Variants in DMRTB1 observed in about 807,000 individuals in gnomAD.
DMRTB1 encodes DMRT like family B with proline rich C-terminal 1.
A neutral mutation model predicts 25.2 loss-of-function variants in DMRTB1; 9 were observed. That is an observed-to-expected ratio of 0.36 (90% CI 0.22 to 0.62). The LOEUF (loss-of-function observed/expected upper bound fraction) is 0.62, where lower values mean the gene tolerates loss of function less well. DMRTB1 is among the 20% of genes least tolerant of loss of function. The probability of loss-of-function intolerance (pLI) is 0.71; values close to 1 mark genes in which losing one functional copy is unlikely to be tolerated. For synonymous variants in DMRTB1, 269 were observed against 238.1 expected, an observed-to-expected ratio of 1.13 and a Z score of -1.20; for missense variants, 551 against 499.3, an observed-to-expected ratio of 1.10 and a Z score of -0.99.
In DMRTB1 at chr1:53,459,587, A is replaced by G; in HGVS notation, c.134A>G (p.Glu45Gly). The G allele has an allele frequency of 1.2e-6, 2 of 1,601,868 alleles. No individual in the cohort carries two copies. The highest frequency in any genetic ancestry group is 2.7e-5 in the African/African-American group (2 of 74,842). The change falls in exon 1 of 4, where the codon GAG (glutamate) becomes GGG (glycine). Residue 45 changes from glutamate (E) to glycine (G), a missense_variant. Coordinates refer to ENST00000371445, the MANE Select transcript of DMRTB1 (RefSeq NM_033067.3). ...TGCGAGAAGTGCTACCTGATCTCCG[A>G]GCGCCAGAAGATCATGGCCGCGCAG... is the stretch of plus-strand genomic sequence containing the variant. ...CLCEKCYLISERQKIMAAQKV... is the reference protein window; with the variant it reads ...CLCEKCYLISGRQKIMAAQKV...
chr1:53,462,826 T>G (rs1644029450), intron 2 of DMRTB1, among the ~76,000 whole-genome samples: 1 of 152,220 alleles, frequency 6.6e-6, no homozygotes, highest in African/African-American at 2.4e-5. Context: ...ACATGGCCCT[T>G]GACTCACACC....
In DMRTB1 at chr1:53,460,002, C is replaced by G; in HGVS notation, c.549C>G (p.Thr183=). 1 of 1,583,338 alleles carries G rather than the reference C, an allele frequency of 6.3e-7. No individual in the cohort carries two copies. The highest frequency in any genetic ancestry group is 1.1e-5 in the South Asian group (1 of 89,146). The change falls in exon 1 of 4, where the codon ACC becomes ACG. Residue 183 remains threonine (T), a synonymous_variant. Transcript: ENST00000371445. ...GPLDLRRPMR[T]VPGPLFTDFV... is the part of the protein sequence containing the mutation. ...TAGACCTGCGCAGGCCGATGCGGAC[C>G]GTGCCCGGCCCACTGTTCACCGACT...
intron 3 of DMRTB1, 31 bp downstream of exon 3, chr1:53,464,878 G>T: frequency 6.2e-7 from 1 of 1,612,480 alleles, no homozygotes; most frequent in Non-Finnish European, 8.5e-7. Context: ...CAGCTTCAGC[G>T]AGAGCCAGGG....
intron 1 of DMRTB1, among the ~76,000 whole-genome samples, chr1:53,460,770 C>T (rs1194013553): frequency 1.3e-5 from 2 of 152,190 alleles, no homozygotes; most frequent in South Asian, 2.1e-4. Flanking sequence ...GTGTCTCCCC[C>T]GTGGTGGTGT....
chr1:53,463,028 C>A (rs907715091), intron 2 of DMRTB1, among the ~76,000 whole-genome samples: 2 of 152,260 alleles, frequency 1.3e-5, no homozygotes, highest in Admixed American at 6.5e-5. Context: ...AGAGTGTGAT[C>A]TCAGTCGGTT....
At chr1:53,461,345 CGGA>C (rs1644020991) in intron 1 of DMRTB1, 125 bp from the exon 2 acceptor site, 3 of 973,574 alleles carry the variant, frequency 3.1e-6, no homozygotes, top group Non-Finnish European at 4.4e-6. Flanking sequence ...GAGGGCCCAG[CGGA>C]AGGAAGTGCG....
chr1:53,460,747 A>G (rs948260057), intron 1 of DMRTB1, among the ~76,000 whole-genome samples: 1 of 152,200 alleles, frequency 6.6e-6, no homozygotes, highest in African/African-American at 2.4e-5. Context: ...TTTGGTGCGG[A>G]CGCGTTTTCC....
chr1:53,459,660 G>T lies in DMRTB1; in HGVS notation c.207G>T (p.Leu69=). 6.5e-7 allele frequency: 1 copy of T among 1,549,294 alleles called. No individual in the cohort carries two copies. The highest frequency in any genetic ancestry group is 1.4e-5 in the African/African-American group (1 of 73,140). ...QAAEEEQEAA[L]CAQGPKQASG... ...CCGAGGAGGAGCAGGAGGCGGCCCTGTGTGCGCAGGGGCCCAAGCAGGCCT... is the reference window on the plus strand; with the variant it reads ...CCGAGGAGGAGCAGGAGGCGGCCCTTTGTGCGCAGGGGCCCAAGCAGGCCT... The change falls in exon 1 of 4, where the codon CTG becomes CTT. Residue 69 remains leucine, a synonymous_variant. Coordinates refer to ENST00000371445, the MANE Select transcript of DMRTB1 (RefSeq NM_033067.3).
chr1:53,464,562 G>A, intron 2 of DMRTB1, 75 bp from the exon 3 acceptor site: 1 of 1,609,412 alleles, frequency 6.2e-7, no homozygotes, highest in Non-Finnish European at 8.5e-7. Context: ...CACTTCAGGG[G>A]TGAGAGCTAT....
intron 2 of DMRTB1, among the ~76,000 whole-genome samples, chr1:53,463,362 G>C (rs1206879208): frequency 6.6e-6 from 1 of 152,128 alleles, no homozygotes; most frequent in Non-Finnish European, 1.5e-5. Flanking sequence ...CTGGAGGTGG[G>C]CAGACCTAGG....
chr1:53,459,942 G>A lies in DMRTB1; in HGVS notation c.489G>A (p.Gly163=). Reference sequence around the variant, plus strand: ...CCAGCCTTGCGGGACCCCCTTTTGGGGCGGAGGCCGCAGGCAGTGGCTACC... The same window carrying A: ...CCAGCCTTGCGGGACCCCCTTTTGGAGCGGAGGCCGCAGGCAGTGGCTACC... ...AMPSLAGPPF[G]AEAAGSGYPG... is the part of the protein sequence containing the mutation. Residue 163 remains glycine (G), a synonymous_variant, in exon 1 of 4, where the codon GGG becomes GGA. Coordinates refer to ENST00000371445, the MANE Select transcript of DMRTB1 (RefSeq NM_033067.3). The A allele has an allele frequency of 6.4e-7, 1 of 1,568,164 alleles. No individual in the cohort carries two copies. The highest frequency in any genetic ancestry group is 2.4e-5 in the East Asian group (1 of 41,998).
At chr1:53,464,267 C>T (rs1288633) in intron 2 of DMRTB1, among the ~76,000 whole-genome samples, 6 of 151,996 alleles carry the variant, frequency 3.9e-5, no homozygotes, top group Non-Finnish European at 8.8e-5. Context: ...AGCAGCTCTG[C>T]GGCCCTGGGC....
At chr1:53,462,659 G>C (rs1187432955) in intron 2 of DMRTB1, among the ~76,000 whole-genome samples, 1 of 152,210 alleles carries the variant, frequency 6.6e-6, no homozygotes, top group East Asian at 1.9e-4. Context: ...GAGAAGTTAA[G>C]TTTTTGGCCA....
rs146660956 is a variant in DMRTB1, at chr1:53,459,578, T to C, written c.125T>C (p.Leu42Pro). 2.5e-6 allele frequency: 4 copies of C among 1,606,334 alleles called. No homozygotes were observed. The highest frequency in any genetic ancestry group is 2.7e-5 in the African/African-American group (2 of 74,932). The change falls in exon 1 of 4, where the codon CTG becomes CCG. Residue 42 changes from leucine (L) to proline (P), a missense_variant. Transcript: ENST00000371445. ...CAGTGCCTCTGCGAGAAGTGCTACC[T>C]GATCTCCGAGCGCCAGAAGATCATG... Reference protein sequence around the residue: ...WKQCLCEKCYLISERQKIMAA... With the variant: ...WKQCLCEKCYPISERQKIMAA...
chr1:53,459,968 C>G lies in DMRTB1; in HGVS notation c.515C>G (p.Pro172Arg), dbSNP rs765216625. 2.5e-6 allele frequency: 4 copies of G among 1,582,154 alleles called. No individual in the cohort carries two copies. The highest frequency in any genetic ancestry group is 1.8e-4 in the Middle Eastern group (1 of 5,446). ...FGAEAAGSGY[P>R]GPLDLRRPMR... ...GCGGAGGCCGCAGGCAGTGGCTACC[C>G]TGGCCCCCTAGACCTGCGCAGGCCG... Residue 172 changes from proline to arginine, a missense_variant, in exon 1 of 4, where the codon CCT becomes CGT. Pro to Arg is a moderately radical substitution (Grantham distance 103). Coordinates refer to ENST00000371445, the MANE Select transcript of DMRTB1 (RefSeq NM_033067.3).
chr1:53,465,504 C>G (rs529146558), intron 3 of DMRTB1, among the ~76,000 whole-genome samples: 25 of 152,228 alleles, frequency 1.6e-4, no homozygotes, highest in Non-Finnish European at 2.9e-4. Context: ...GCCCTTGCAG[C>G]TTTAAAGCTT....
intron 1 of DMRTB1, chr1:53,460,365 C>T (rs1194398683): frequency 4.8e-6 from 1 of 209,980 alleles, no homozygotes; most frequent in Non-Finnish European, 9.5e-6. Context: ...TCCTACTGCT[C>T]TTGCGCACCT....
At chr1:53,460,158 G>T in intron 1 of DMRTB1, 128 bp downstream of exon 1, 1 of 1,277,744 alleles carries the variant, frequency 7.8e-7, no homozygotes, top group East Asian at 3.1e-5. Context: ...CTTCCGCTTT[G>T]AGAAACCCTT....
At position 53,464,700 on chromosome 1, in the gene DMRTB1, C is replaced by T. The variant is rs142464747; in HGVS notation, c.814C>T (p.Pro272Ser). The stretch of plus-strand genomic sequence containing the variant: ...CCTGCCGCCGCCGCCGCCGCCACTG[C>T]CGCCCCTTCCACCGCTTCCACCGCA... ...YYLPPPPPPL[P>S]PLPPLPPQPQ... The change falls in exon 3 of 4, where the codon CCG becomes TCG. Residue 272 changes from proline to serine, a missense_variant. Pro to Ser is a moderately conservative substitution (Grantham distance 74, BLOSUM62 -1). Transcript: ENST00000371445. 5.6e-5 allele frequency: 91 copies of T among 1,613,636 alleles called. No homozygotes were observed. The African/African-American group carries it at 1.0e-3, about 18-fold the overall frequency.
Sources: gnomAD v4.1 joint callset for allele counts (sites outside exome capture counted in the v4.1 genomes callset) on GRCh38, gnomAD v4.1.1 for gene constraint, MANE v1.5 for transcripts, NCBI Gene and HGNC (gene_info 2026-07-23, HGNC 2026-07-21) for gene names.